WDR12: variants seen among roughly 807,000 people sequenced by gnomAD.
WDR12 encodes the protein WD repeat domain 12.
Under a neutral mutation model 64.3 loss-of-function variants are expected in WDR12, and 42 were observed. The observed-to-expected ratio is 0.65, with a 90% confidence interval of 0.51 to 0.84. WDR12 has a LOEUF of 0.84. Ranked by LOEUF, WDR12 falls within the 40% of genes least tolerant of loss-of-function variation. WDR12 has a pLI of 0.00. For missense variants in WDR12, 469 were observed against 494.6 expected (o/e 0.95, Z 0.49); for synonymous variants, 158 against 173.3 (o/e 0.91, Z 0.70).
rs1363703212 is a variant in WDR12 at position 202,880,002 on chromosome 2, A to G, written c.*858T>C. On this transcript the variant is annotated 3_prime_UTR_variant, in exon 13 of 13. Coordinates refer to ENST00000261015, the MANE Select transcript of WDR12 (RefSeq NM_018256.4). ...GGTGATCCACCTGCCTCGGCCTCCC[A>G]ATGTGCTGGGATTACAGGTGTGAGC... is the stretch of plus-strand genomic sequence containing the variant. 6.6e-6 allele frequency: 1 copy of G among 152,126 alleles called. No individual in the cohort carries two copies. Among genetic ancestry groups the G allele is most frequent in the Admixed American group, 6.5e-5 (1 of 15,270 alleles). 9.4% of individuals were successfully genotyped at this position (152,126 alleles called of 1,614,324 possible). A position where few individuals can be genotyped will look rare whatever the true frequency, so the allele number is the denominator to read the frequency against.
At chr2:202,908,806 A>T (rs1023568693) in intron 1 of WDR12, among the ~76,000 whole-genome samples, 15 of 152,232 alleles carry the variant, frequency 9.9e-5, no homozygotes, top group African/African-American at 3.4e-4. Context: ...GGAGACTCTT[A>T]TAAGAGAGAC....
rs1687918245 is a variant in WDR12 at position 202,879,764 on chromosome 2, CAG to C, written c.*1094_*1095del. The stretch of plus-strand genomic sequence containing the variant: ...TATTTTGTTATCGTTGTTGTTGAGA[CAG>C]AGTCTTGCACTGTCACCCAGGCTGG... On this transcript the variant is annotated 3_prime_UTR_variant, in exon 13 of 13. Transcript: ENST00000261015. The C allele has an allele frequency of 6.6e-6, 1 of 150,630 alleles. No homozygotes were observed. Among genetic ancestry groups the C allele is most frequent in the Admixed American group, 6.6e-5 (1 of 15,060 alleles). The allele number at this position is 150,630 out of a possible 1,614,324, so 9.3% of individuals were successfully genotyped here. A position where few individuals can be genotyped will look rare whatever the true frequency, so the allele number is the denominator to read the frequency against.
intron 6 of WDR12, among the ~76,000 whole-genome samples, chr2:202,895,807 G>A (rs918468573): frequency 1.2e-4 from 18 of 151,796 alleles, no homozygotes; most frequent in African/African-American, 4.1e-4. Flanking sequence ...TGGGATTACA[G>A]GCGTGAGCCA....
intron 8 of WDR12, among the ~76,000 whole-genome samples, chr2:202,888,280 A>G (rs941672213): frequency 6.6e-6 from 1 of 152,222 alleles, no homozygotes; most frequent in Non-Finnish European, 1.5e-5. Flanking sequence ...AGAACAGAGT[A>G]GTGGTTTTCA....
intron 1 of WDR12, among the ~76,000 whole-genome samples, chr2:202,909,659 A>G (rs1218865822): frequency 6.6e-6 from 1 of 152,162 alleles, no homozygotes; most frequent in African/African-American, 2.4e-5. Flanking sequence ...GGCTATAGCT[A>G]TATATTTATG....
rs1161496059 is a variant in WDR12, at chr2:202,874,713, T to C, written c.*6147A>G. 5.9e-5 allele frequency: 9 copies of C among 152,174 alleles called. No individual in the cohort carries two copies. Among genetic ancestry groups the C allele is most frequent in the East Asian group, 1.9e-4 (1 of 5,202 alleles). The allele number at this position is 152,174 out of a possible 1,614,324, so 9.4% of individuals were successfully genotyped here. On this transcript the variant is annotated 3_prime_UTR_variant, in exon 13 of 13. Transcript: ENST00000261015. ...GAGAAGCATTATAGGTCAGTGACAG[T>C]GGGGCCATGGAGAGCTATCTTCCCA... is the stretch of plus-strand genomic sequence containing the variant.
At position 202,907,976 on chromosome 2, in the gene WDR12, A is replaced by G. The variant is rs1437093573; in HGVS notation, c.42-17T>C. 3.8e-6 allele frequency: 6 copies of G among 1,598,822 alleles called. No individual in the cohort carries two copies. The South Asian group carries it at 5.5e-5, about 15-fold the overall frequency. ...ACGGCATATCTATAAAAAGGAAATG[A>G]TATGTCAAGATCAAGTCTACAGATA... On this transcript the variant is annotated splice_polypyrimidine_tract_variant and intron_variant, in intron 1 of 12. Coordinates refer to ENST00000261015, the MANE Select transcript of WDR12 (RefSeq NM_018256.4).
intron 2 of WDR12, among the ~76,000 whole-genome samples, chr2:202,904,795 C>T (rs954011614): frequency 6.6e-6 from 1 of 152,138 alleles, no homozygotes; most frequent in Non-Finnish European, 1.5e-5. Context: ...ACCACACAAG[C>T]ACAGGCAATC....
At chr2:202,909,670 T>C (rs922538792) in intron 1 of WDR12, among the ~76,000 whole-genome samples, 3 of 152,224 alleles carry the variant, frequency 2.0e-5, no homozygotes, top group Admixed American at 2.0e-4. Flanking sequence ...TATATTTATG[T>C]ATATAATTCA....
rs1179568053 is a variant in WDR12, at chr2:202,874,781, G to A, written c.*6079C>T. The A allele has an allele frequency of 6.6e-6, 1 of 152,138 alleles. No homozygotes were observed. Among genetic ancestry groups the A allele is most frequent in the South Asian group, 2.1e-4 (1 of 4,826 alleles). 9.4% of individuals were successfully genotyped at this position (152,138 alleles called of 1,614,324 possible). ...TTAGATACTGCAAGCTAAACATTCT[G>A]TCTCTTCCCTACTACATTTCTGTTT... On this transcript the variant is annotated 3_prime_UTR_variant, in exon 13 of 13. Coordinates refer to ENST00000261015, the MANE Select transcript of WDR12 (RefSeq NM_018256.4).
chr2:202,880,983 A>T, intron 12 of WDR12, 46 bp from the exon 13 acceptor site: 4 of 1,435,242 alleles, frequency 2.8e-6, no homozygotes, highest in Admixed American at 1.9e-5. Context: ...AATAAATATA[A>T]TTATTTCACA....
chr2:202,887,890 G>A (rs1182601447), intron 8 of WDR12, among the ~76,000 whole-genome samples: 4 of 108,650 alleles, frequency 3.7e-5, no homozygotes, highest in East Asian at 2.4e-4. Context: ...GCGAGACTCC[G>A]TCTCAAAAAA....
At chr2:202,900,321 T>C (rs1230912472) in intron 3 of WDR12, among the ~76,000 whole-genome samples, 1 of 147,510 alleles carries the variant, frequency 6.8e-6, no homozygotes, top group Non-Finnish European at 1.5e-5. Flanking sequence ...AGATGGAGAC[T>C]CTGTCTCAGA....
rs574969771 is a variant in WDR12 at position 202,890,003 on chromosome 2, G to A, written c.741+2614C>T. On this transcript the variant is annotated intron_variant, in intron 8 of 12. Transcript: ENST00000261015. ...AGGCTTTCGGAGGCTGAGGCAAGCA[G>A]ATCACTTGAGCCCAGGAGTTCAAGA... 3.3e-5 allele frequency among the ~76,000 whole-genome samples: 5 copies of A among 152,112 alleles called. No individual in the cohort carries two copies. In the East Asian group the frequency reaches 9.7e-4, roughly 29 times the overall value.
At chr2:202,905,381 G>A (rs1688435350) in intron 2 of WDR12, among the ~76,000 whole-genome samples, 1 of 152,238 alleles carries the variant, frequency 6.6e-6, no homozygotes, top group African/African-American at 2.4e-5. Flanking sequence ...TTGACTTCAT[G>A]ATCCACCCAC....
In WDR12 at chr2:202,883,798, G is replaced by C. The variant is rs1441913577; in HGVS notation, c.989-57C>G. On this transcript the variant is annotated intron_variant, in intron 10 of 12. Coordinates refer to ENST00000261015, the MANE Select transcript of WDR12 (RefSeq NM_018256.4). Reference sequence around the variant, plus strand: ...TTTAGAAAAGGGAAGTAGGTAGAAGGAACCCAAAAAATATTTGTAGAAATT... The same window carrying C: ...TTTAGAAAAGGGAAGTAGGTAGAAGCAACCCAAAAAATATTTGTAGAAATT... 4.5e-6 allele frequency: 7 copies of C among 1,539,772 alleles called. No homozygotes were observed. The East Asian group carries it at 1.2e-4, about 25-fold the overall frequency.
Position 202,892,180 on chromosome 2 carries a change from G to T in WDR12, c.741+437C>A, listed in dbSNP as rs1688168043. Among the ~76,000 whole-genome samples the T allele has an allele frequency of 2.0e-5, 3 of 152,240 alleles. No homozygotes were observed. In the South Asian group the frequency reaches 6.2e-4, roughly 32 times the overall value. ...AATGGAATCTAACAGCTAAATGACAGAATCAAATCCCAAATTAAACTCTTG... is the reference window on the plus strand; with the variant it reads ...AATGGAATCTAACAGCTAAATGACATAATCAAATCCCAAATTAAACTCTTG... On this transcript the variant is annotated intron_variant, in intron 8 of 12. Transcript: ENST00000261015.
Position 202,878,988 on chromosome 2 carries a change from CAT to C in WDR12, c.*1870_*1871del, listed in dbSNP as rs1167378572. Reference sequence around the variant, plus strand: ...TCTAAAAAATTTATTCTAATCTACACATGAGGAAAGATTAGGGTTACAGTGAA... The same window carrying C: ...TCTAAAAAATTTATTCTAATCTACACGAGGAAAGATTAGGGTTACAGTGAA... On this transcript the variant is annotated 3_prime_UTR_variant, in exon 13 of 13. Coordinates refer to ENST00000261015, the MANE Select transcript of WDR12 (RefSeq NM_018256.4). 3.9e-5 allele frequency: 6 copies of C among 152,154 alleles called. No homozygotes were observed. Among genetic ancestry groups the C allele is most frequent in the African/African-American group, 9.7e-5 (4 of 41,432 alleles). 9.4% of individuals were successfully genotyped at this position (152,154 alleles called of 1,614,324 possible).
chr2:202,910,606 T>C (rs1688574775), intron 1 of WDR12, among the ~76,000 whole-genome samples: 1 of 152,126 alleles, frequency 6.6e-6, no homozygotes, highest in African/African-American at 2.4e-5. Flanking sequence ...AAACCTACTT[T>C]CAATTAAAAA....
Sources: allele counts gnomAD v4.1 joint callset (sites outside exome capture counted in the v4.1 genomes callset), GRCh38; gene constraint gnomAD v4.1.1; transcripts MANE v1.5; gene names NCBI Gene and HGNC (gene_info 2026-07-23, HGNC 2026-07-21).